The following OXR1 variants were observed in gnomAD, a reference collection of about 807,000 sequenced individuals.
The protein encoded by OXR1 is oxidation resistance protein 1.
A neutral mutation model predicts 104.6 loss-of-function variants in OXR1; 41 were observed. The observed-to-expected ratio is 0.39, with a 90% CI of 0.31 to 0.51. The LOEUF is 0.51. Ranked by LOEUF, OXR1 falls within the 20% of genes least tolerant of loss-of-function variation. The probability of loss-of-function intolerance (pLI) is 0.77; values close to 1 mark genes in which losing one functional copy is unlikely to be tolerated. For synonymous variants in OXR1, 348 were observed against 348.4 expected (o/e 1.00, Z 0.01); for missense variants, 955 against 1,031.9 (o/e 0.93, Z 1.02).
At chr8:106,704,245 AT>A (rs1830883418) in intron 8 of OXR1, among the ~76,000 whole-genome samples, 1 of 152,072 alleles carries the variant, frequency 6.6e-6, no homozygotes, top group African/African-American at 2.4e-5. Flanking sequence ...GAGGTGGATA[AT>A]GGGATGAGAC....
intron 3 of OXR1, among the ~76,000 whole-genome samples, chr8:106,559,646 C>T (rs13269819): frequency 0.18 from 27,194 of 152,150 alleles, 2,556 homozygotes; most frequent in East Asian, 0.35. Flanking sequence ...AAGATCATAG[C>T]ACCAGCAGAC....
intron 1 of OXR1, among the ~76,000 whole-genome samples, chr8:106,282,797 TG>T (rs2130502232): frequency 6.6e-6 from 1 of 152,288 alleles, no homozygotes; most frequent in East Asian, 1.9e-4. Context: ...CACTTATAAA[TG>T]GGCCCATACA....
intron 3 of OXR1, chr8:106,656,410 A>G (rs1252047863): frequency 5.3e-5 from 8 of 152,240 alleles, no homozygotes; most frequent in Admixed American, 5.2e-4. Flanking sequence ...CCTTTTTTAT[A>G]AGGGCACTAA....
intron 3 of OXR1, among the ~76,000 whole-genome samples, chr8:106,584,790 G>A (rs1818510193): frequency 6.6e-6 from 1 of 152,082 alleles, no homozygotes; most frequent in Non-Finnish European, 1.5e-5. Flanking sequence ...ATATCCATAA[G>A]GAAGAAGTGA....
chr8:106,694,814 T>C (rs1421428648), intron 7 of OXR1, among the ~76,000 whole-genome samples: 2 of 124,934 alleles, frequency 1.6e-5, no homozygotes, highest in Non-Finnish European at 3.2e-5. Flanking sequence ...ATATATTTAA[T>C]AGATAAATAC....
At chr8:106,495,631 G>C (rs181509789) in intron 2 of OXR1, among the ~76,000 whole-genome samples, 1 of 152,116 alleles carries the variant, frequency 6.6e-6, no homozygotes, top group Non-Finnish European at 1.5e-5. Flanking sequence ...AAGAGAGATG[G>C]CTTCTTTTGC....
At chr8:106,410,724 T>C (rs879495138) in intron 2 of OXR1, among the ~76,000 whole-genome samples, 5 of 152,130 alleles carry the variant, frequency 3.3e-5, no homozygotes, top group Non-Finnish European at 4.4e-5. Flanking sequence ...GTTGACTTAC[T>C]GGTATAAGAA....
At chr8:106,509,530 T>G (rs1389127227) in intron 2 of OXR1, among the ~76,000 whole-genome samples, 2 of 152,218 alleles carry the variant, frequency 1.3e-5, no homozygotes, top group Admixed American at 6.5e-5. Flanking sequence ...ATCACTAGTT[T>G]GTTGAAAGCG....
intron 2 of OXR1, among the ~76,000 whole-genome samples, chr8:106,403,234 TTTC>T (rs1818075911): frequency 6.6e-6 from 1 of 152,270 alleles, no homozygotes; most frequent in African/African-American, 2.4e-5. Flanking sequence ...TCCTATTTCT[TTTC>T]TTCGAGAAAC....
At chr8:106,659,086 A>G (rs535985994) in intron 3 of OXR1, among the ~76,000 whole-genome samples, 48 of 152,368 alleles carry the variant, frequency 3.2e-4, no homozygotes, top group African/African-American at 1.1e-3. Context: ...AAATCTGTTT[A>G]TAACTCCACA....
At chr8:106,534,369 A>G (rs1239988716) in intron 3 of OXR1, among the ~76,000 whole-genome samples, 1 of 152,242 alleles carries the variant, frequency 6.6e-6, no homozygotes. Context: ...CAAACTACCC[A>G]GTTCCCAGTC....
intron 1 of OXR1, among the ~76,000 whole-genome samples, chr8:106,312,315 G>T (rs567482578): frequency 6.6e-6 from 1 of 152,298 alleles, no homozygotes; most frequent in East Asian, 1.9e-4. Context: ...TTCAATGGGG[G>T]ATCATTTGTA....
At chr8:106,321,033 G>C (rs1563716326) in intron 1 of OXR1, among the ~76,000 whole-genome samples, 1 of 152,192 alleles carries the variant, frequency 6.6e-6, no homozygotes. Flanking sequence ...TGAAAGTATT[G>C]ATTAATGCTC....
intron 2 of OXR1, among the ~76,000 whole-genome samples, chr8:106,362,251 A>G (rs548008914): frequency 6.6e-6 from 1 of 152,168 alleles, no homozygotes; most frequent in Admixed American, 6.6e-5. Flanking sequence ...TCTGCCTACT[A>G]TGACATCGTA....
At chr8:106,458,441 G>T (rs943566806) in intron 2 of OXR1, among the ~76,000 whole-genome samples, 1 of 152,172 alleles carries the variant, frequency 6.6e-6, no homozygotes, top group Admixed American at 6.6e-5. Context: ...AGCTGTGGAA[G>T]TTTGGCTCCC....
At chr8:106,451,278 A>G (rs2130616761) in intron 2 of OXR1, among the ~76,000 whole-genome samples, 1 of 152,288 alleles carries the variant, frequency 6.6e-6, no homozygotes, top group South Asian at 2.1e-4. Flanking sequence ...ACTTGCAAAC[A>G]GTTTGGCTTA....
intron 11 of OXR1, chr8:106,726,347 T>C: frequency 9.6e-7 from 1 of 1,045,812 alleles, no homozygotes; most frequent in Non-Finnish European, 1.4e-6. Flanking sequence ...GTATATATAC[T>C]AGTCTTTTCA....
intron 3 of OXR1, among the ~76,000 whole-genome samples, chr8:106,622,276 C>T (rs117474557): frequency 6.6e-6 from 1 of 152,174 alleles, no homozygotes; most frequent in Non-Finnish European, 1.5e-5. Context: ...CTGCACTGTG[C>T]AAGAGACTCC....
chr8:106,656,738 A>G (rs1325036171), intron 3 of OXR1, among the ~76,000 whole-genome samples: 2 of 151,608 alleles, frequency 1.3e-5, no homozygotes, highest in Admixed American at 1.3e-4. Context: ...GTGATGGCTG[A>G]TATTAGAATG....
Sources: gnomAD v4.1 joint callset for allele counts (sites outside exome capture counted in the v4.1 genomes callset) on GRCh38, gnomAD v4.1.1 for gene constraint, MANE v1.5 for transcripts, NCBI Gene and HGNC (gene_info 2026-07-23, HGNC 2026-07-21) for gene names.